The following POLA1 variants were observed in gnomAD, a reference collection of about 807,000 sequenced individuals.
POLA1 encodes DNA polymerase alpha catalytic subunit.
Under a neutral mutation model 124.0 loss-of-function variants are expected in POLA1, and 15 were observed. The observed-to-expected ratio is 0.12, with a 90% confidence interval of 0.08 to 0.19. The LOEUF is 0.19. Ranked by LOEUF, POLA1 falls within the 10% of genes least tolerant of loss-of-function variation. POLA1 has a pLI of 1.00. For synonymous variants in POLA1, 408 were observed against 389.4 expected, an observed-to-expected ratio of 1.05 and a Z score of -0.56; for missense variants, 886 against 1,103.4, an observed-to-expected ratio of 0.80 and a Z score of 2.79.
rs2147024292 is a variant in POLA1 at position 24,826,433 on chromosome X, T to G, written c.3568T>G (p.Ser1190Ala). 3 of 1,199,755 alleles carry G rather than the reference T, an allele frequency of 2.5e-6. No individual in the cohort carries two copies. Among genetic ancestry groups the G allele is most frequent in the Non-Finnish European group, 3.4e-6 (3 of 888,239 alleles). The change falls in exon 32 of 37, where the codon TCA (serine) becomes GCA (alanine). Residue 1190 changes from serine to alanine, a missense_variant. This residue lies in a region of POLA1 where 313 missense variants were observed against 359.7 expected (regional missense o/e 0.87). Coordinates refer to ENST00000379068, the MANE Select transcript of POLA1 (RefSeq NM_001330360.2). ...TVSYVICQDG[S>A]NLTASQRAYA... ...TTATCATATCTTCTTTTAGGATGGATCAAACCTCACTGCAAGTCAGAGGGC... is the reference window on the plus strand; with the variant it reads ...TTATCATATCTTCTTTTAGGATGGAGCAAACCTCACTGCAAGTCAGAGGGC...
chrX:24,719,862 A>T (rs1336935209), intron 10 of POLA1, among the ~76,000 whole-genome samples: 1 of 110,238 alleles, frequency 9.1e-6, no homozygotes, highest in African/African-American at 3.3e-5. Context: ...TTTTCCTCAT[A>T]TCTACCACCC....
At chrX:24,822,577 A>G (rs1244736567) in intron 31 of POLA1, among the ~76,000 whole-genome samples, 1 of 112,274 alleles carries the variant, frequency 8.9e-6, no homozygotes. Context: ...ATAACAAATG[A>G]TTTAAGTACG....
At chrX:24,957,578 CAGAT>C (rs1346396135) in intron 36 of POLA1, among the ~76,000 whole-genome samples, 3 of 110,998 alleles carry the variant, frequency 2.7e-5, no homozygotes, top group Non-Finnish European at 5.7e-5. Context: ...AAGTAAGTGA[CAGAT>C]AGAGAAGTAC....
In POLA1 at chrX:24,949,827, C is replaced by T. The variant is rs771763148; in HGVS notation, c.4261+19278C>T. On this transcript the variant is annotated intron_variant, in intron 36 of 36. Coordinates refer to ENST00000379068, the MANE Select transcript of POLA1 (RefSeq NM_001330360.2). ...TCGGCTCACTGCAACCTCCACCTCC[C>T]GGGTTCAAGCGATTCTCCTGCCTCA... is the stretch of plus-strand genomic sequence containing the variant. Among the ~76,000 whole-genome samples, 27 of 107,834 alleles carry T rather than the reference C, an allele frequency of 2.5e-4. No individual in the cohort carries two copies. In the East Asian group the frequency reaches 2.9e-3, roughly 12 times the overall value. 93.6% of individuals were successfully genotyped at this position (107,834 alleles called of 115,157 possible). A position where few individuals can be genotyped will look rare whatever the true frequency, so the allele number is the denominator to read the frequency against.
intron 26 of POLA1, among the ~76,000 whole-genome samples, chrX:24,800,437 G>T (rs2045686549): frequency 1.9e-5 from 2 of 105,669 alleles, no homozygotes; most frequent in Non-Finnish European, 3.9e-5. Flanking sequence ...TTAGGTTTTT[G>T]TTTTTTTTTT....
intron 26 of POLA1, among the ~76,000 whole-genome samples, chrX:24,771,994 A>C (rs1031578202): frequency 8.9e-6 from 1 of 112,124 alleles, no homozygotes; most frequent in Non-Finnish European, 1.9e-5. Flanking sequence ...TCTGTTCACC[A>C]GAATATTTTC....
chrX:24,755,086 C>G (rs1022188404), intron 26 of POLA1, among the ~76,000 whole-genome samples: 7 of 112,205 alleles, frequency 6.2e-5, no homozygotes, highest in Non-Finnish European at 9.4e-5. Flanking sequence ...ACATCCACAG[C>G]AGTATATGAG....
intron 4 of POLA1, among the ~76,000 whole-genome samples, chrX:24,711,021 C>T (rs1441107342): frequency 1.8e-5 from 2 of 111,429 alleles, no homozygotes; most frequent in East Asian, 2.8e-4. Context: ...CTTGCTCTGT[C>T]GTCCAGGATG....
chrX:24,831,185 G>A (rs1261891547), intron 32 of POLA1, among the ~76,000 whole-genome samples: 1 of 110,986 alleles, frequency 9.0e-6, no homozygotes, highest in Non-Finnish European at 1.9e-5. Flanking sequence ...AAATAAGTGC[G>A]ACAGTGGGTG....
intron 26 of POLA1, among the ~76,000 whole-genome samples, chrX:24,778,933 A>G (rs903460930): frequency 1.8e-5 from 2 of 112,081 alleles, no homozygotes; most frequent in Non-Finnish European, 3.8e-5. Flanking sequence ...TTAAACAAAT[A>G]ACATTTATAT....
chrX:24,907,898 T>C (rs10284205), intron 35 of POLA1, among the ~76,000 whole-genome samples: 40,372 of 110,906 alleles, frequency 0.36, 5,319 homozygotes, highest in South Asian at 0.43. Flanking sequence ...AGGTTTTCAA[T>C]GTACATAGAC....
intron 23 of POLA1, among the ~76,000 whole-genome samples, chrX:24,744,932 C>T (rs1306844269): frequency 1.1e-5 from 1 of 92,245 alleles, no homozygotes; most frequent in Non-Finnish European, 2.0e-5. Context: ...ATCCTGGAGA[C>T]AGAGTGAGAC....
Position 24,717,750 on chromosome X carries a change from A to T in POLA1, c.1079A>T (p.Asn360Ile). ...TTGGATGCTTATGAGGATCAGTACA[A>T]CCAACCAGGTAATCATATATAAGGT... is the stretch of plus-strand genomic sequence containing the variant. ...YWLDAYEDQYNQPGVVFLFGK... is the reference protein window; with the variant it reads ...YWLDAYEDQYIQPGVVFLFGK... The change falls in exon 10 of 37, where the codon AAC becomes ATC. Residue 360 changes from asparagine (N) to isoleucine (I), a missense_variant. This residue lies in a region of POLA1 where 337 missense variants were observed against 402.8 expected (regional missense o/e 0.84). Transcript: ENST00000379068. The T allele has an allele frequency of 1.7e-6, 2 of 1,181,105 alleles. No individual in the cohort carries two copies. Among genetic ancestry groups the T allele is most frequent in the Non-Finnish European group, 2.3e-6 (2 of 872,821 alleles).
rs142553261 is a variant in POLA1 at position 24,717,617 on chromosome X, G to A, written c.946G>A (p.Asp316Asn). ...CCCGGATGTCTCTTGTTGGGACATTGATCAAGAAGGTGATAGCAGTTTCTC... is the reference window on the plus strand; with the variant it reads ...CCCGGATGTCTCTTGTTGGGACATTAATCAAGAAGGTGATAGCAGTTTCTC... ...FLPDVSCWDIDQEGDSSFSVQ... is the reference protein window; with the variant it reads ...FLPDVSCWDINQEGDSSFSVQ... The change falls in exon 10 of 37, where the codon GAT becomes AAT. Residue 316 changes from aspartate to asparagine, a missense_variant. Transcript: ENST00000379068. The A allele has an allele frequency of 1.3e-5, 16 of 1,208,108 alleles. No individual in the cohort carries two copies. The highest frequency in any genetic ancestry group is 3.5e-5 in the African/African-American group (2 of 57,170).
chrX:24,712,917 T>C (rs1241734330), intron 4 of POLA1, among the ~76,000 whole-genome samples: 2 of 112,094 alleles, frequency 1.8e-5, no homozygotes, highest in Non-Finnish European at 3.8e-5. Context: ...ATGTTCTGTT[T>C]CATTTGGTCT....
chrX:24,796,882 C>T (rs893729799), intron 26 of POLA1, among the ~76,000 whole-genome samples: 4 of 111,153 alleles, frequency 3.6e-5, no homozygotes, highest in Admixed American at 9.6e-5. Flanking sequence ...CCCTGATTCC[C>T]GGTCTCAGTG....
rs1929738968 is a variant in POLA1 at position 24,715,200 on chromosome X, T to C, written c.522T>C (p.Thr174=). Residue 174 remains threonine (T), a synonymous_variant, in exon 6 of 37, where the codon ACT becomes ACC. Coordinates refer to ENST00000379068, the MANE Select transcript of POLA1 (RefSeq NM_001330360.2). ...GTGACATTCTACAGGATCTTAACAC[T>C]GAGGTAAATGAATCTCCAGGAGTTG... The part of the protein sequence containing the change: ...LLGDILQDLN[T]ETPQITPPPV... The C allele has an allele frequency of 9.0e-7, 1 of 1,108,447 alleles. No homozygotes were observed. The highest frequency in any genetic ancestry group is 1.8e-5 in the African/African-American group (1 of 56,031). The allele number at this position is 1,108,447 out of a possible 1,213,427, so 91.3% of individuals were successfully genotyped here. A position where few individuals can be genotyped will look rare whatever the true frequency, so the allele number is the denominator to read the frequency against.
At position 24,975,399 on chromosome X, in the gene POLA1, T is replaced by C. The variant is rs1289893891; in HGVS notation, c.4262-20406T>C. ...TTAAATAAATTCACTTTAGCAATAA[T>C]AAACTCATTACATGTTAACATAGAA... On this transcript the variant is annotated intron_variant, in intron 36 of 36. Coordinates refer to ENST00000379068, the MANE Select transcript of POLA1 (RefSeq NM_001330360.2). Among the ~76,000 whole-genome samples, 5 of 111,280 alleles carry C rather than the reference T, an allele frequency of 4.5e-5. No individual in the cohort carries two copies. In the East Asian group the frequency reaches 1.4e-3, roughly 31 times the overall value.
intron 26 of POLA1, among the ~76,000 whole-genome samples, chrX:24,752,759 G>T (rs1348190328): frequency 9.0e-6 from 1 of 111,724 alleles, no homozygotes; most frequent in East Asian, 2.8e-4. Flanking sequence ...CCAAAGGATT[G>T]TAATACTCTA....
Sources: gnomAD v4.1 joint callset for allele counts (sites outside exome capture counted in the v4.1 genomes callset) on GRCh38, gnomAD v4.1.1 for gene constraint, gnomAD v4.1.1 regional missense constraint, MANE v1.5 for transcripts, NCBI Gene and HGNC (gene_info 2026-07-23, HGNC 2026-07-21) for gene names.